TET2: variants seen among roughly 807,000 people sequenced by gnomAD.
TET2 encodes the protein methylcytosine dioxygenase TET2.
In TET2, 299 loss-of-function variants were observed where a neutral mutation model predicts 142.9. That is an observed-to-expected ratio of 2.09 (90% confidence interval 1.90 to 2.30). TET2 has a LOEUF of 2.30. Ranked by LOEUF, TET2 falls within the 30% of genes most tolerant of loss-of-function variation. TET2 has a pLI of 0.00. For missense variants in TET2, 2,418 were observed against 2,378.0 expected (o/e 1.02, Z -0.35); for synonymous variants, 819 against 849.0 (o/e 0.96, Z 0.61).
At chr4:105,203,433 G>A (rs1219627208) in intron 2 of TET2, among the ~76,000 whole-genome samples, 3 of 152,162 alleles carry the variant, frequency 2.0e-5, no homozygotes, top group Non-Finnish European at 4.4e-5. Flanking sequence ...AATCACTTGG[G>A]AATTGAATGT....
Position 105,279,174 on chromosome 4 carries a change from T to TTTGA in TET2, c.*2658_*2661dup, listed in dbSNP as rs1731349233. ...ATACCATAATATCTAGCCCCAAACA[T>TTTGA]TTGATTACTACATGTGCATTGGTGA... On this transcript the variant is annotated 3_prime_UTR_variant, in exon 11 of 11. Coordinates refer to ENST00000380013, the MANE Select transcript of TET2 (RefSeq NM_001127208.3). The TTTGA allele has an allele frequency of 4.3e-6, 1 of 232,216 alleles. No individual in the cohort carries two copies. The highest frequency in any genetic ancestry group is 5.6e-5 in the Admixed American group (1 of 17,748). The allele number at this position is 232,216 out of a possible 1,614,324, so 14.4% of individuals were successfully genotyped here. A position where few individuals can be genotyped will look rare whatever the true frequency, so the allele number is the denominator to read the frequency against.
In TET2 at chr4:105,275,508, T is replaced by C. The variant is rs1731167236; in HGVS notation, c.4998T>C (p.Pro1666=). Residue 1666 remains proline, a synonymous_variant, in exon 11 of 11, where the codon CCT becomes CCC. Transcript: ENST00000380013. ...MDLYRYPSQD[P]LSKLSLPPIH... ...TGTATAGGTATCCAAGCCAAGACCC[T>C]CTGTCTAAGCTCAGTCTACCACCCA... The C allele has an allele frequency of 6.4e-7, 1 of 1,551,530 alleles. No individual in the cohort carries two copies. Among genetic ancestry groups the C allele is most frequent in the South Asian group, 1.2e-5 (1 of 84,062 alleles).
intron 1 of TET2, among the ~76,000 whole-genome samples, chr4:105,154,642 T>C (rs1392933600): frequency 6.6e-6 from 1 of 152,180 alleles, no homozygotes; most frequent in East Asian, 1.9e-4. Context: ...TATGACTTGG[T>C]AAAGAGGGCT....
intron 3 of TET2, chr4:105,239,251 A>G (rs1333390449): frequency 4.1e-6 from 1 of 241,392 alleles, no homozygotes; most frequent in Admixed American, 5.7e-5. Context: ...GTAAATGAGT[A>G]TGGGCTTCAA....
intron 2 of TET2, among the ~76,000 whole-genome samples, chr4:105,207,623 C>T (rs906187051): frequency 2.6e-5 from 4 of 152,016 alleles, no homozygotes; most frequent in Non-Finnish European, 4.4e-5. Context: ...TGTATGATTT[C>T]GGATGTGAAA....
chr4:105,270,630 G>A (rs937732266), intron 9 of TET2, among the ~76,000 whole-genome samples: 3 of 151,632 alleles, frequency 2.0e-5, no homozygotes, highest in Non-Finnish European at 2.9e-5. Context: ...AAAATGGATC[G>A]GTCTTGTAAT....
intron 6 of TET2, among the ~76,000 whole-genome samples, chr4:105,255,729 G>T (rs979945505): frequency 1.3e-5 from 2 of 151,860 alleles, no homozygotes; most frequent in African/African-American, 4.8e-5. Flanking sequence ...TGTAGATATC[G>T]TATAGTTAAA....
rs773728106 is a variant in TET2 at position 105,277,884 on chromosome 4, G to T, written c.*1365G>T. The T allele has an allele frequency of 6.8e-5, 15 of 221,402 alleles. No individual in the cohort carries two copies. Among genetic ancestry groups the T allele is most frequent in the Non-Finnish European group, 1.2e-4 (13 of 110,888 alleles). 13.7% of individuals were successfully genotyped at this position (221,402 alleles called of 1,614,324 possible). A position where few individuals can be genotyped will look rare whatever the true frequency, so the allele number is the denominator to read the frequency against. On this transcript the variant is annotated 3_prime_UTR_variant, in exon 11 of 11. Transcript: ENST00000380013. ...GAACTGAATGGCAGTCTGCCTTTGT[G>T]TTGATAATTATGTACATTGTGACGT...
intron 1 of TET2, among the ~76,000 whole-genome samples, chr4:105,166,422 AT>A (rs1001307495): frequency 2.0e-5 from 3 of 151,704 alleles, no homozygotes; most frequent in African/African-American, 4.8e-5. Context: ...TCATATCACA[AT>A]TTTTTTTCAG....
intron 2 of TET2, among the ~76,000 whole-genome samples, chr4:105,219,249 T>G (rs1411688445): frequency 6.6e-6 from 1 of 152,078 alleles, no homozygotes; most frequent in Non-Finnish European, 1.5e-5. Flanking sequence ...TCCTACAAAT[T>G]AACTAAAACA....
chr4:105,254,863 T>A (rs941455478), intron 6 of TET2, among the ~76,000 whole-genome samples: 2 of 152,220 alleles, frequency 1.3e-5, no homozygotes, highest in Non-Finnish European at 2.9e-5. Flanking sequence ...CTCACAAAAC[T>A]GTGAGGAACC....
At chr4:105,199,622 C>A (rs1364697630) in intron 2 of TET2, among the ~76,000 whole-genome samples, 4 of 152,130 alleles carry the variant, frequency 2.6e-5, no homozygotes, top group Non-Finnish European at 4.4e-5. Context: ...GTTTGTTGTA[C>A]AGGTTATTTC....
At chr4:105,253,801 A>G (rs895809617) in intron 6 of TET2, among the ~76,000 whole-genome samples, 1 of 152,040 alleles carries the variant, frequency 6.6e-6, no homozygotes, top group African/African-American at 2.4e-5. Context: ...TGTTAGCTGT[A>G]TGGTTTTGTA....
chr4:105,175,530 A>G lies in TET2; in HGVS notation c.-192-14830A>G, dbSNP rs1724733974. On this transcript the variant is annotated intron_variant, in intron 1 of 10. Coordinates refer to ENST00000380013, the MANE Select transcript of TET2 (RefSeq NM_001127208.3). ...AATAGGAACTTCAAAACTAAAATGCAAAGAGAAAAAAGACTGTGAAAAAAA... is the reference window on the plus strand; with the variant it reads ...AATAGGAACTTCAAAACTAAAATGCGAAGAGAAAAAAGACTGTGAAAAAAA... Among the ~76,000 whole-genome samples the G allele has an allele frequency of 1.3e-5, 2 of 152,172 alleles. 1 individual carries two copies. The highest frequency in any genetic ancestry group is 4.1e-4 in the South Asian group (2 of 4,832).
At position 105,236,482 on chromosome 4, in the gene TET2, A is replaced by G. The variant is rs764850624; in HGVS notation, c.2540A>G (p.Gln847Arg). 3.7e-6 allele frequency: 6 copies of G among 1,614,170 alleles called. No individual in the cohort carries two copies. Among genetic ancestry groups the G allele is most frequent in the Non-Finnish European group, 5.1e-6 (6 of 1,180,024 alleles). ...NTHLVSENKE[Q>R]TTHPELFAGN... ...CACCTAGTTTCAGAGAATAAAGAAC[A>G]GACTACACATCCTGAACTTTTTGCA... Residue 847 changes from glutamine to arginine, a missense_variant, in exon 3 of 11, where the codon CAG (glutamine) becomes CGG (arginine). Physicochemically the swap from Gln to Arg is conservative, Grantham distance 43. Coordinates refer to ENST00000380013, the MANE Select transcript of TET2 (RefSeq NM_001127208.3).
chr4:105,156,737 T>C (rs1723585080), intron 1 of TET2, among the ~76,000 whole-genome samples: 1 of 152,234 alleles, frequency 6.6e-6, no homozygotes, highest in South Asian at 2.1e-4. Context: ...CTTACCTGTC[T>C]GCACTAAGAA....
At position 105,261,816 on chromosome 4, in the gene TET2, A is replaced by C. The variant is rs1208433443; in HGVS notation, c.4012A>C (p.Lys1338Gln). The change falls in exon 8 of 11, where the codon AAG (lysine) becomes CAG (glutamine). Residue 1338 changes from lysine (K) to glutamine (Q), a missense_variant. Physicochemically the swap from Lys to Gln is moderately conservative, Grantham distance 53. Coordinates refer to ENST00000380013, the MANE Select transcript of TET2 (RefSeq NM_001127208.3). ...GTCCACTCTTATGGCACCAACATAT[A>C]AGAAACTTGCACCTGATGCATATAA... ...NLSTLMAPTY[K>Q]KLAPDAYNNQ... 6.5e-7 allele frequency: 1 copy of C among 1,549,278 alleles called. No homozygotes were observed. Among genetic ancestry groups the C allele is most frequent in the Non-Finnish European group, 8.7e-7 (1 of 1,145,458 alleles).
At chr4:105,217,061 G>T in intron 2 of TET2, among the ~76,000 whole-genome samples, 1 of 151,548 alleles carries the variant, frequency 6.6e-6, no homozygotes, top group African/African-American at 2.4e-5. Context: ...CTTTGTTCTT[G>T]CCCCTCCCTG....
intron 1 of TET2, among the ~76,000 whole-genome samples, chr4:105,165,755 TTTGA>T (rs1385380721): frequency 1.3e-5 from 2 of 152,204 alleles, no homozygotes; most frequent in African/African-American, 4.8e-5. Flanking sequence ...AAATGAAATG[TTTGA>T]TTGGTTGCTT....
Sources: allele counts gnomAD v4.1 joint callset (sites outside exome capture counted in the v4.1 genomes callset), GRCh38; gene constraint gnomAD v4.1.1; transcripts MANE v1.5; gene names NCBI Gene and HGNC (gene_info 2026-07-23, HGNC 2026-07-21).